CDH13: variants seen among roughly 807,000 people sequenced by gnomAD.
The protein encoded by CDH13 is cadherin-13.
A neutral mutation model predicts 63.8 loss-of-function variants in CDH13; 24 were observed. The observed-to-expected ratio is 0.38, with a 90% CI of 0.27 to 0.53. CDH13 has a LOEUF of 0.53. CDH13 is among the 20% of genes least tolerant of loss of function. CDH13 has a pLI of 0.85. For missense variants in CDH13, 1,049 were observed against 903.1 expected, an observed-to-expected ratio of 1.16 and a Z score of -2.07; for synonymous variants, 503 against 355.3, an observed-to-expected ratio of 1.42 and a Z score of -4.67.
intron 11 of CDH13, among the ~76,000 whole-genome samples, chr16:83,751,983 G>C (rs907532103): frequency 6.6e-6 from 1 of 152,340 alleles, no homozygotes; most frequent in East Asian, 1.9e-4. Flanking sequence ...CGACTTATCA[G>C]AACAGAAAAG....
At chr16:82,873,663 C>T (rs1458425097) in intron 2 of CDH13, among the ~76,000 whole-genome samples, 4 of 152,166 alleles carry the variant, frequency 2.6e-5, no homozygotes, top group Non-Finnish European at 5.9e-5. Flanking sequence ...AAAGGAGTGA[C>T]AGCAGTGCCT....
At chr16:83,201,089 C>A (rs1567501501) in intron 4 of CDH13, among the ~76,000 whole-genome samples, 1 of 152,034 alleles carries the variant, frequency 6.6e-6, no homozygotes, top group Non-Finnish European at 1.5e-5. Flanking sequence ...AGTTGGCAAG[C>A]CATTTTGAAA....
At chr16:82,685,137 T>G (rs1914933367) in intron 1 of CDH13, among the ~76,000 whole-genome samples, 1 of 152,148 alleles carries the variant, frequency 6.6e-6, no homozygotes, top group South Asian at 2.1e-4. Context: ...AATACTTCAG[T>G]TTTGTTGAGA....
In CDH13 at chr16:82,726,843, A is replaced by G. The variant is rs115348414; in HGVS notation, c.45+99706A>G. Among the ~76,000 whole-genome samples, 711 of 152,322 alleles carry G rather than the reference A, an allele frequency of 4.7e-3. 5 individuals carry two copies. The highest frequency in any genetic ancestry group is 0.016 in the African/African-American group (681 of 41,570). On this transcript the variant is annotated intron_variant, in intron 1 of 13. Coordinates refer to ENST00000567109, the MANE Select transcript of CDH13 (RefSeq NM_001257.5). ...ACAACTACATCATGAGGAAAATAGT[A>G]TTAATAGTATTATCCCCATTTCCCA...
chr16:82,976,780 G>A (rs758009565), intron 2 of CDH13, among the ~76,000 whole-genome samples: 14 of 152,298 alleles, frequency 9.2e-5, no homozygotes, highest in Middle Eastern at 3.4e-3. Flanking sequence ...AGTTTGATTT[G>A]TGAACACATT....
chr16:83,487,924 C>G (rs910236560), intron 7 of CDH13, among the ~76,000 whole-genome samples: 1 of 152,222 alleles, frequency 6.6e-6, no homozygotes, highest in South Asian at 2.1e-4. Flanking sequence ...CCACCTGATT[C>G]TTCCACAGTC....
intron 1 of CDH13, among the ~76,000 whole-genome samples, chr16:82,743,280 G>A (rs866667357): frequency 5.3e-4 from 80 of 152,230 alleles, no homozygotes; most frequent in African/African-American, 1.7e-3. Context: ...AGGCTGGAGC[G>A]CGGTGGCACT....
At chr16:83,626,224 C>T (rs750386805) in intron 8 of CDH13, among the ~76,000 whole-genome samples, 11 of 152,148 alleles carry the variant, frequency 7.2e-5, no homozygotes, top group Non-Finnish European at 1.2e-4. Context: ...GTGCCGGTTT[C>T]ATCTTCCTCC....
intron 10 of CDH13, among the ~76,000 whole-genome samples, chr16:83,736,735 G>A (rs1911575016): frequency 6.6e-6 from 1 of 152,218 alleles, no homozygotes; most frequent in African/African-American, 2.4e-5. Context: ...AGCAAGCCCT[G>A]ACTAGGAAGA....
At chr16:83,010,966 G>T (rs934010592) in intron 2 of CDH13, among the ~76,000 whole-genome samples, 1 of 152,174 alleles carries the variant, frequency 6.6e-6, no homozygotes, top group Non-Finnish European at 1.5e-5. Flanking sequence ...AGAGCACTTA[G>T]TTCACACTTC....
chr16:83,461,469 A>C (rs938511800), intron 6 of CDH13, among the ~76,000 whole-genome samples: 2 of 152,156 alleles, frequency 1.3e-5, no homozygotes, highest in Non-Finnish European at 2.9e-5. Context: ...TGAAGATGAA[A>C]TCTTCCCCTT....
rs2150895248 is a variant in CDH13 at position 82,644,748 on chromosome 16, T to C, written c.45+17611T>C. Among the ~76,000 whole-genome samples, 1 of 152,246 alleles carries C rather than the reference T, an allele frequency of 6.6e-6. No individual in the cohort carries two copies. Among genetic ancestry groups the C allele is most frequent in the Non-Finnish European group, 1.5e-5 (1 of 68,010 alleles). On this transcript the variant is annotated intron_variant, in intron 1 of 13. Transcript: ENST00000567109. The surrounding 1 kb of genome is among the most constrained non-coding windows in gnomAD (Gnocchi z 5.7). ...TGACAGGAGTCCGCTGGGCTCCCTC[T>C]GATTCTTAAAGCCTTTCCAGGTAGC...
intron 4 of CDH13, among the ~76,000 whole-genome samples, chr16:83,136,765 C>T (rs945171841): frequency 2.6e-5 from 4 of 152,164 alleles, no homozygotes; most frequent in African/African-American, 9.7e-5. Context: ...GATCAAACAC[C>T]AGGGATGTTC....
intron 1 of CDH13, among the ~76,000 whole-genome samples, chr16:82,639,000 G>A (rs1388959847): frequency 1.3e-5 from 2 of 151,032 alleles, no homozygotes; most frequent in Admixed American, 1.3e-4. Context: ...ATGAGAAGAA[G>A]TTTTGAGTGG....
chr16:83,096,775 C>G (rs1024533497), intron 3 of CDH13, among the ~76,000 whole-genome samples: 3 of 152,022 alleles, frequency 2.0e-5, no homozygotes, highest in Non-Finnish European at 4.4e-5. Context: ...TACTTCTGAT[C>G]AACCGCAAGA....
In CDH13 at chr16:83,163,437, G is replaced by T. The variant is rs146545614; in HGVS notation, c.483+37936G>T. On this transcript the variant is annotated intron_variant, in intron 4 of 13. Coordinates refer to ENST00000567109, the MANE Select transcript of CDH13 (RefSeq NM_001257.5). ...ATAACAATGGCTATAATTGTGAACC[G>T]CCCGCTAACCTCCTCTTGTAGTGCT... Among the ~76,000 whole-genome samples the T allele has an allele frequency of 1.8e-3, 268 of 152,106 alleles. 3 individuals are homozygous for T. Among genetic ancestry groups the T allele is most frequent in the Non-Finnish European group, 3.1e-3 (213 of 67,990 alleles).
intron 6 of CDH13, among the ~76,000 whole-genome samples, chr16:83,426,080 A>C (rs532558705): frequency 5.9e-5 from 9 of 152,312 alleles, no homozygotes; most frequent in Middle Eastern, 3.4e-3. Flanking sequence ...CAAAGCTAGG[A>C]GGAGAAATCA....
At chr16:82,800,028 G>C (rs1266730755) in intron 1 of CDH13, among the ~76,000 whole-genome samples, 1 of 152,218 alleles carries the variant, frequency 6.6e-6, no homozygotes, top group East Asian at 1.9e-4. Flanking sequence ...ACACTCGAAT[G>C]ACATCACATC....
At position 83,795,480 on chromosome 16, in the gene CDH13, T is replaced by G. The variant is rs1039051029; in HGVS notation, c.*450T>G. The G allele has an allele frequency of 5.6e-5, 9 of 161,698 alleles. No individual in the cohort carries two copies. The highest frequency in any genetic ancestry group is 2.2e-4 in the African/African-American group (9 of 41,494). 10.0% of individuals were successfully genotyped at this position (161,698 alleles called of 1,614,324 possible). On this transcript the variant is annotated 3_prime_UTR_variant, in exon 14 of 14. Transcript: ENST00000567109. ...TTTGATGCCATTCTTCCTTGCAAGG[T>G]TAAGCAAGGTGGGTGGAAACTAAGA... is the stretch of plus-strand genomic sequence containing the variant.
Sources: allele counts gnomAD v4.1 joint callset (sites outside exome capture counted in the v4.1 genomes callset), GRCh38; gene constraint gnomAD v4.1.1; non-coding constraint Gnocchi (gnomAD v3.1); transcripts MANE v1.5; gene names NCBI Gene and HGNC (gene_info 2026-07-23, HGNC 2026-07-21).